The following MSRA variants were observed in gnomAD, a reference collection of about 807,000 sequenced individuals.
The protein encoded by MSRA is methionine sulfoxide reductase A.
In MSRA, 54 loss-of-function variants were observed where a neutral mutation model predicts 31.3. That is an observed-to-expected ratio of 1.73 (90% CI 1.39 to 2.17). MSRA has a LOEUF of 2.17. Ranked by LOEUF, MSRA falls within the 30% of genes most tolerant of loss-of-function variation. The pLI is 0.00. For missense variants in MSRA, 507 were observed against 300.9 expected (o/e 1.69, Z -5.07); for synonymous variants, 169 against 116.5 (o/e 1.45, Z -2.90).
At chr8:10,275,285 T>A (rs1447433823) in intron 3 of MSRA, among the ~76,000 whole-genome samples, 2 of 152,242 alleles carry the variant, frequency 1.3e-5, no homozygotes, top group African/African-American at 4.8e-5. Flanking sequence ...GTTTGAAGTT[T>A]CAGAAATCTT....
In MSRA at chr8:10,298,757, A is replaced by G. The variant is rs189781620; in HGVS notation, c.332-2777A>G. ...AAATATGTGGTATTTTAATGGTTCT[A>G]TGAAACTTCATCTTATGAGTATACC... is the stretch of plus-strand genomic sequence containing the variant. On this transcript the variant is annotated intron_variant, in intron 3 of 5. Coordinates refer to ENST00000317173, the MANE Select transcript of MSRA (RefSeq NM_012331.5). Among the ~76,000 whole-genome samples, 423 of 152,298 alleles carry G rather than the reference A, an allele frequency of 2.8e-3. 5 individuals are homozygous for G. The highest frequency in any genetic ancestry group is 9.5e-3 in the African/African-American group (393 of 41,572).
chr8:10,310,881 G>T (rs1801397708), intron 4 of MSRA, among the ~76,000 whole-genome samples: 1 of 152,218 alleles, frequency 6.6e-6, no homozygotes, highest in South Asian at 2.1e-4. Context: ...AACTCTTTGT[G>T]ATGTCCATTA....
Position 10,331,734 on chromosome 8 carries a change from A to G in MSRA, c.543+11745A>G, listed in dbSNP as rs1399080718. On this transcript the variant is annotated intron_variant, in intron 5 of 5. Coordinates refer to ENST00000317173, the MANE Select transcript of MSRA (RefSeq NM_012331.5). ...AATCTGATGATGCTTAATCCCTTATATAAAATGACATTTACATATAACCTA... is the reference window on the plus strand; with the variant it reads ...AATCTGATGATGCTTAATCCCTTATGTAAAATGACATTTACATATAACCTA... Among the ~76,000 whole-genome samples, 3 of 152,302 alleles carry G rather than the reference A, an allele frequency of 2.0e-5. No homozygotes were observed. The South Asian group carries it at 6.2e-4, about 32-fold the overall frequency.
intron 1 of MSRA, among the ~76,000 whole-genome samples, chr8:10,065,954 T>G (rs1797434453): frequency 6.6e-6 from 1 of 151,000 alleles, no homozygotes; most frequent in Non-Finnish European, 1.5e-5. Flanking sequence ...CTTCAGGGCC[T>G]TTATGGCTGA....
chr8:10,068,953 T>C (rs1377476262), intron 1 of MSRA, among the ~76,000 whole-genome samples: 1 of 152,244 alleles, frequency 6.6e-6, no homozygotes, highest in African/African-American at 2.4e-5. Flanking sequence ...GATATATTTC[T>C]TTCATCAGAT....
At chr8:10,126,944 G>A (rs1044543725) in intron 1 of MSRA, among the ~76,000 whole-genome samples, 1 of 152,298 alleles carries the variant, frequency 6.6e-6, no homozygotes, top group Admixed American at 6.5e-5. Flanking sequence ...AGTAGTGCTC[G>A]CTCACCTGCC....
At chr8:10,083,530 A>AT (rs1347651823) in intron 1 of MSRA, among the ~76,000 whole-genome samples, 1 of 152,190 alleles carries the variant, frequency 6.6e-6, no homozygotes, top group African/African-American at 2.4e-5. Context: ...AAGAAATCAC[A>AT]TTTTTTCAAG....
At chr8:10,381,912 C>T (rs1806094323) in intron 5 of MSRA, among the ~76,000 whole-genome samples, 1 of 152,158 alleles carries the variant, frequency 6.6e-6, no homozygotes, top group African/African-American at 2.4e-5. Context: ...CTTGGGACCC[C>T]AGGGGATTAG....
At chr8:10,113,642 G>C (rs895591718) in intron 1 of MSRA, among the ~76,000 whole-genome samples, 1 of 152,066 alleles carries the variant, frequency 6.6e-6, no homozygotes, top group African/African-American at 2.4e-5. Context: ...AGAGCAGACT[G>C]AGAAATGTGG....
intron 1 of MSRA, among the ~76,000 whole-genome samples, chr8:10,151,539 A>C (rs1308077242): frequency 6.6e-6 from 1 of 151,950 alleles, no homozygotes. Context: ...AGTCCCAGCT[A>C]CTCGGGAGGC....
At chr8:10,335,022 C>T (rs1240548100) in intron 5 of MSRA, among the ~76,000 whole-genome samples, 3 of 152,320 alleles carry the variant, frequency 2.0e-5, no homozygotes, top group South Asian at 4.1e-4. Flanking sequence ...AGGTCTAGTG[C>T]CCTGCGCCAT....
At chr8:10,077,394 A>T (rs779068252) in intron 1 of MSRA, among the ~76,000 whole-genome samples, 1 of 151,690 alleles carries the variant, frequency 6.6e-6, no homozygotes, top group African/African-American at 2.4e-5. Flanking sequence ...CTAAAGGGGG[A>T]AGATATGGGA....
chr8:10,262,466 A>C (rs1224928100), intron 3 of MSRA, among the ~76,000 whole-genome samples: 2 of 152,080 alleles, frequency 1.3e-5, no homozygotes, highest in Non-Finnish European at 2.9e-5. Context: ...CAATTCTTTA[A>C]TGACATATGA....
At chr8:10,142,915 T>C (rs1042370112) in intron 1 of MSRA, among the ~76,000 whole-genome samples, 6 of 152,212 alleles carry the variant, frequency 3.9e-5, no homozygotes, top group African/African-American at 4.8e-5. Flanking sequence ...AAAACTCTAA[T>C]TGAAAATTAA....
chr8:10,294,432 G>A (rs956387861), intron 3 of MSRA, among the ~76,000 whole-genome samples: 1 of 152,184 alleles, frequency 6.6e-6, no homozygotes, highest in Admixed American at 6.5e-5. Flanking sequence ...GTCCCCTGAG[G>A]TGGGTGCTAT....
rs572304407 is a variant in MSRA, at chr8:10,190,184, C to T, written c.143-17649C>T. On this transcript the variant is annotated intron_variant, in intron 1 of 5. Coordinates refer to ENST00000317173, the MANE Select transcript of MSRA (RefSeq NM_012331.5). ...GGGGTCATTGCTGGAGGAAGTCTCT[C>T]TTGCCATTTCTTTTGTGGGCATGAG... 4.2e-4 allele frequency among the ~76,000 whole-genome samples: 64 copies of T among 152,248 alleles called. 1 individual carries two copies. Among genetic ancestry groups the T allele is most frequent in the African/African-American group, 1.3e-3 (55 of 41,536 alleles).
chr8:10,291,795 G>A (rs534515402), intron 3 of MSRA, among the ~76,000 whole-genome samples: 182 of 151,864 alleles, frequency 1.2e-3, no homozygotes, highest in African/African-American at 4.1e-3. Flanking sequence ...ATTATTTAAT[G>A]AAAAAAAATT....
intron 2 of MSRA, among the ~76,000 whole-genome samples, chr8:10,242,501 G>T (rs1298830629): frequency 6.6e-6 from 1 of 152,130 alleles, no homozygotes; most frequent in Non-Finnish European, 1.5e-5. Context: ...GACCCAGGTG[G>T]TGGTTGTAAG....
At chr8:10,102,529 A>ATG (rs1799601250) in intron 1 of MSRA, among the ~76,000 whole-genome samples, 1 of 152,200 alleles carries the variant, frequency 6.6e-6, no homozygotes, top group African/African-American at 2.4e-5. Flanking sequence ...TTGTGGAAAC[A>ATG]TGTTTATAAT....
Sources: allele counts gnomAD v4.1 joint callset (sites outside exome capture counted in the v4.1 genomes callset), GRCh38; gene constraint gnomAD v4.1.1; transcripts MANE v1.5; gene names NCBI Gene and HGNC (gene_info 2026-07-23, HGNC 2026-07-21).